Variants in HAS3 observed in about 807,000 individuals in gnomAD.
HAS3 encodes HA synthase 3.
Under a neutral mutation model 50.3 loss-of-function variants are expected in HAS3, and 27 were observed. The observed-to-expected ratio is 0.54, with a 90% CI of 0.40 to 0.74. The LOEUF is 0.74. HAS3 is among the 30% of genes least tolerant of loss of function. The pLI is 0.00. For missense variants in HAS3, 517 were observed against 742.8 expected (o/e 0.70, Z 3.53); for synonymous variants, 339 against 310.9 (o/e 1.09, Z -0.95).
chr16:69,094,212 A>G, the HAS3 span, among the ~76,000 whole-genome samples: 1 of 152,184 alleles, frequency 6.6e-6, no homozygotes. Flanking sequence ...TAAGAGCAGG[A>G]GGCAGCTCAG....
At chr16:69,083,995 A>C in the HAS3 span, 1 of 180,096 alleles carries the variant, frequency 5.6e-6, no homozygotes, top group Non-Finnish European at 1.2e-5. Context: ...CTAATTGCCC[A>C]CTCTCTTGGA....
At chr16:69,103,640 A>G (rs1023798730), upstream of HAS3, among the ~76,000 whole-genome samples, 3 of 151,540 alleles carry the variant, frequency 2.0e-5, no homozygotes, top group Non-Finnish European at 2.9e-5. Context: ...CAGGTGATCC[A>G]CCCGCCTCAG....
At chr16:69,087,045 C>T in the HAS3 span, among the ~76,000 whole-genome samples, 1 of 152,222 alleles carries the variant, frequency 6.6e-6, no homozygotes, top group Non-Finnish European at 1.5e-5. Flanking sequence ...TCCCACCTCC[C>T]ACCGCCCCTT....
the HAS3 span, among the ~76,000 whole-genome samples, chr16:69,095,949 C>T: frequency 6.6e-6 from 1 of 152,282 alleles, no homozygotes; most frequent in East Asian, 1.9e-4. Flanking sequence ...GGCGCGGTGG[C>T]TTACGCCTGT....
downstream of HAS3, chr16:69,118,108 TTTC>T (rs1961291904): frequency 3.8e-6 from 2 of 524,206 alleles, no homozygotes; most frequent in Non-Finnish European, 6.9e-6. Context: ...AGCACAGTGA[TTTC>T]TTCCCTTCAT....
At chr16:69,095,705 G>C in the HAS3 span, among the ~76,000 whole-genome samples, 1 of 151,952 alleles carries the variant, frequency 6.6e-6, no homozygotes, top group South Asian at 2.1e-4. Flanking sequence ...AGGGAGTGGG[G>C]GTCCTAGCCA....
chr16:69,114,811 C>CG lies in HAS3; in HGVS notation c.1211dup (p.Arg405ProfsTer103). Reference sequence around the variant, plus strand: ...TGCCACGGTTATACAGCTTTTCTACCGGGGCCGCATCTGGAACATTCTCCT... The same window carrying CG: ...TGCCACGGTTATACAGCTTTTCTACCGGGGGCCGCATCTGGAACATTCTCCT... On this transcript the variant is annotated frameshift_variant, in exon 4 of 4. Transcript: ENST00000569188. LOFTEE classifies it high-confidence loss of function. This position sits in a 1 kb window ranked among gnomAD's most constrained non-coding sequence, Gnocchi z 6.4. The CG allele has an allele frequency of 6.2e-7, 1 of 1,614,058 alleles. No homozygotes were observed. Among genetic ancestry groups the CG allele is most frequent in the Non-Finnish European group, 8.5e-7 (1 of 1,180,008 alleles).
upstream of HAS3, among the ~76,000 whole-genome samples, chr16:69,104,206 T>C (rs1960726691): frequency 6.6e-6 from 1 of 151,748 alleles, no homozygotes; most frequent in African/African-American, 2.4e-5. Flanking sequence ...TTCTCCTGCC[T>C]CAGCCTCCCT....
the HAS3 span, among the ~76,000 whole-genome samples, chr16:69,090,586 T>C: frequency 6.6e-6 from 1 of 151,994 alleles, no homozygotes; most frequent in African/African-American, 2.4e-5. Context: ...TTTTTTTTTT[T>C]AGACGGAGTC....
rs1961078289 is a variant in HAS3 at position 69,113,528 on chromosome 16, G to A, written c.724G>A (p.Gly242Arg). The A allele has an allele frequency of 1.9e-6, 3 of 1,600,878 alleles. No homozygotes were observed. Among genetic ancestry groups the A allele is most frequent in the Non-Finnish European group, 1.7e-6 (2 of 1,168,668 alleles). ...GGAGGATCCCCAAGTAGGGGGAGTC[G>A]GGGGAGATGTCCAGGTAAGATGAGA... ...LEEDPQVGGV[G>R]GDVQILNKYD... Residue 242 changes from glycine to arginine, a missense_variant, in exon 3 of 4, where the codon GGG becomes AGG. Gly to Arg is a moderately radical substitution (Grantham distance 125). Coordinates refer to ENST00000569188, the MANE Select transcript of HAS3 (RefSeq NM_001199280.2).
At chr16:69,105,882 G>C (rs934805898) in intron 1 of HAS3, 95 bp downstream of exon 1, 9 of 152,288 alleles carry the variant, frequency 5.9e-5, no homozygotes, top group Admixed American at 3.3e-4. Flanking sequence ...GAAAGTTAAC[G>C]ACGCTTCAGG....
rs765646292 is a variant in HAS3, at chr16:69,116,603, T to G, written c.*1337T>G. On this transcript the variant is annotated 3_prime_UTR_variant, in exon 4 of 4. Coordinates refer to ENST00000569188, the MANE Select transcript of HAS3 (RefSeq NM_001199280.2). The stretch of plus-strand genomic sequence containing the variant: ...ACAGTCACTGCATTTGCCTGCTTCT[T>G]TCCAGAAACCAAACTAGGAGATGAA... The G allele has an allele frequency of 3.0e-5, 30 of 985,624 alleles. No individual in the cohort carries two copies. The highest frequency in any genetic ancestry group is 3.6e-5 in the Non-Finnish European group (30 of 829,926). The allele number at this position is 985,624 out of a possible 1,614,324, so 61.1% of individuals were successfully genotyped here.
At chr16:69,097,576 G>A in the HAS3 span, among the ~76,000 whole-genome samples, 1 of 152,194 alleles carries the variant, frequency 6.6e-6, no homozygotes, top group Non-Finnish European at 1.5e-5. Context: ...CTACATGTGT[G>A]TGGTGCAGAC....
At chr16:69,108,494 T>G (rs1042447994) in intron 1 of HAS3, among the ~76,000 whole-genome samples, 8 of 152,170 alleles carry the variant, frequency 5.3e-5, no homozygotes, top group African/African-American at 1.9e-4. Context: ...CTGACTTAGT[T>G]GCAAATGGAA....
rs564643059 is a variant in HAS3 at position 69,110,174 on chromosome 16, G to A, written c.636+143G>A. ...CACTTAAGAAGGCAACAAGGTGGCC[G>A]GGCGCGGTGGCTCACGCCTGTAATC... On this transcript the variant is annotated intron_variant, in intron 2 of 3. Coordinates refer to ENST00000569188, the MANE Select transcript of HAS3 (RefSeq NM_001199280.2). 81 of 817,564 alleles carry A rather than the reference G, an allele frequency of 9.9e-5. 1 individual carries two copies. The highest frequency in any genetic ancestry group is 8.9e-4 in the African/African-American group (52 of 58,338). 50.6% of individuals were successfully genotyped at this position (817,564 alleles called of 1,614,324 possible).
Position 69,107,745 on chromosome 16 carries a change from T to A in HAS3, c.1-1651T>A. On this transcript the variant is annotated intron_variant, in intron 1 of 3. Transcript: ENST00000569188. The surrounding 1 kb of genome is among the most constrained non-coding windows in gnomAD (Gnocchi z 5.5). ...CGCTCCTAGGCTGCGGATGCAGGCC[T>A]GGGGACTCCTGGGCCGCAGGCGCGA... 1 of 963,556 alleles carries A rather than the reference T, an allele frequency of 1.0e-6. No individual in the cohort carries two copies. The allele number at this position is 963,556 out of a possible 1,614,324, so 59.7% of individuals were successfully genotyped here.
Position 69,109,807 on chromosome 16 carries a change from G to A in HAS3, c.412G>A (p.Glu138Lys). The change falls in exon 2 of 4, where the codon GAG (glutamate) becomes AAG (lysine). Residue 138 changes from glutamate (E) to lysine (K), a missense_variant. Physicochemically the swap from Glu to Lys is moderately conservative, Grantham distance 56. Transcript: ENST00000569188. This position sits in a 1 kb window ranked among gnomAD's most constrained non-coding sequence, Gnocchi z 5.3. ...EDAYMLDIFH[E>K]VLGGTEQAGF... Reference sequence around the variant, plus strand: ...CGCCTACATGCTGGACATCTTCCACGAGGTGCTGGGCGGCACCGAGCAGGC... The same window carrying A: ...CGCCTACATGCTGGACATCTTCCACAAGGTGCTGGGCGGCACCGAGCAGGC... The A allele has an allele frequency of 3.7e-6, 6 of 1,612,416 alleles. No individual in the cohort carries two copies. In the South Asian group the frequency reaches 4.4e-5, roughly 12 times the overall value.
chr16:69,088,049 A>G, the HAS3 span, among the ~76,000 whole-genome samples: 1 of 151,744 alleles, frequency 6.6e-6, no homozygotes, highest in African/African-American at 2.4e-5. Flanking sequence ...TTGCTTTCCT[A>G]TGGCTCTGCC....
Position 69,114,290 on chromosome 16 carries a change from C to A in HAS3, c.739-53C>A. On this transcript the variant is annotated intron_variant, in intron 3 of 3. Coordinates refer to ENST00000569188, the MANE Select transcript of HAS3 (RefSeq NM_001199280.2). The surrounding 1 kb of genome is among the most constrained non-coding windows in gnomAD (Gnocchi z 6.4). ...AAGGAGGCCTCGTGGTCTCTGATGT[C>A]TGTCCTCCGGACGTGCAACCTTAGG... is the stretch of plus-strand genomic sequence containing the variant. The A allele has an allele frequency of 6.5e-7, 1 of 1,529,456 alleles. No homozygotes were observed. The highest frequency in any genetic ancestry group is 8.7e-7 in the Non-Finnish European group (1 of 1,144,070). The allele number at this position is 1,529,456 out of a possible 1,614,324, so 94.7% of individuals were successfully genotyped here.
Sources: gnomAD v4.1 joint callset for allele counts (sites outside exome capture counted in the v4.1 genomes callset) on GRCh38, gnomAD v4.1.1 for gene constraint, Gnocchi (gnomAD v3.1) non-coding constraint, MANE v1.5 for transcripts, NCBI Gene and HGNC (gene_info 2026-07-23, HGNC 2026-07-21) for gene names.